CLVS1: variants seen among roughly 807,000 people sequenced by gnomAD.
CLVS1 encodes clavesin-1.
In CLVS1, 10 loss-of-function variants were observed where a neutral mutation model predicts 33.1. That is an observed-to-expected ratio of 0.30 (90% confidence interval 0.19 to 0.51). The LOEUF is 0.51. Among genes scored for constraint, CLVS1 ranks in the 20% least tolerant of loss-of-function variants. The pLI is 0.97. For missense variants in CLVS1, 343 were observed against 433.4 expected (o/e 0.79, Z 1.85); for synonymous variants, 163 against 166.1 (o/e 0.98, Z 0.14).
At chr8:61,154,739 T>C (rs1244341006) in intron 2 of CLVS1, among the ~76,000 whole-genome samples, 1 of 152,246 alleles carries the variant, frequency 6.6e-6, no homozygotes, top group African/African-American at 2.4e-5. Context: ...ATGGCTGTGA[T>C]AATTTGAGGA....
chr8:61,158,963 A>T (rs1372356580), intron 2 of CLVS1, among the ~76,000 whole-genome samples: 2 of 152,194 alleles, frequency 1.3e-5, no homozygotes, highest in African/African-American at 4.8e-5. Flanking sequence ...AGTAGCTAGG[A>T]CTACAGGCAT....
chr8:61,334,336 C>T lies in CLVS1; in HGVS notation c.455+34054C>T, dbSNP rs146342125. Among the ~76,000 whole-genome samples the T allele has an allele frequency of 2.5e-3, 380 of 152,188 alleles. 1 individual carries two copies. Among genetic ancestry groups the T allele is most frequent in the Non-Finnish European group, 3.9e-3 (266 of 68,000 alleles). On this transcript the variant is annotated intron_variant, in intron 2 of 5. Coordinates refer to ENST00000325897, the MANE Select transcript of CLVS1 (RefSeq NM_173519.3). Reference sequence around the variant, plus strand: ...ATCAGTGGGTATTGATCAGTGGGGACGAGAAGTTTAGCTAACCATTTATAA... The same window carrying T: ...ATCAGTGGGTATTGATCAGTGGGGATGAGAAGTTTAGCTAACCATTTATAA...
At chr8:61,069,362 A>G (rs933295163) in intron 1 of CLVS1, among the ~76,000 whole-genome samples, 8 of 152,154 alleles carry the variant, frequency 5.3e-5, no homozygotes, top group Admixed American at 1.3e-4. Flanking sequence ...CATCAGTAAG[A>G]GCGACACTAA....
chr8:61,250,123 G>A (rs544731987), intron 2 of CLVS1, among the ~76,000 whole-genome samples: 12 of 152,162 alleles, frequency 7.9e-5, no homozygotes, highest in East Asian at 3.9e-4. Context: ...TCCAGTTTCC[G>A]TTTTCTGCAT....
the CLVS1 span, among the ~76,000 whole-genome samples, chr8:61,051,573 C>T: frequency 3.3e-5 from 5 of 152,324 alleles, no homozygotes; most frequent in Admixed American, 1.3e-4. Context: ...GCCTGCCAAA[C>T]GAAAGGCATG....
At chr8:61,479,592 C>A (rs1818104749) in intron 5 of CLVS1, among the ~76,000 whole-genome samples, 1 of 152,320 alleles carries the variant, frequency 6.6e-6, no homozygotes, top group East Asian at 1.9e-4. Flanking sequence ...TCGTCAAAGT[C>A]ATTCTCCATC....
the CLVS1 span, among the ~76,000 whole-genome samples, chr8:61,011,432 C>T: frequency 6.6e-6 from 1 of 151,946 alleles, no homozygotes; most frequent in Admixed American, 6.6e-5. Flanking sequence ...TAGCCTGATG[C>T]ATCATGTCTT....
At position 61,294,492 on chromosome 8, in the gene CLVS1, C is replaced by T. The variant is rs564584699; in HGVS notation, c.-151-5185C>T. Reference sequence around the variant, plus strand: ...CCTGGATACAGCATAATTATAATATCAACAAGAATTTACAGTTAAAGTAAA... The same window carrying T: ...CCTGGATACAGCATAATTATAATATTAACAAGAATTTACAGTTAAAGTAAA... On this transcript the variant is annotated intron_variant, in intron 1 of 5. Transcript: ENST00000325897. Among the ~76,000 whole-genome samples, 3 of 152,172 alleles carry T rather than the reference C, an allele frequency of 2.0e-5. No individual in the cohort carries two copies. The South Asian group carries it at 6.2e-4, about 32-fold the overall frequency.
rs752475470 is a variant in CLVS1 at position 61,500,155 on chromosome 8, G to C, written c.*613G>C. 6.6e-6 allele frequency: 1 copy of C among 152,588 alleles called. No homozygotes were observed. Among genetic ancestry groups the C allele is most frequent in the Admixed American group, 6.5e-5 (1 of 15,276 alleles). The allele number at this position is 152,588 out of a possible 1,614,324, so 9.5% of individuals were successfully genotyped here. On this transcript the variant is annotated 3_prime_UTR_variant, in exon 6 of 6. Coordinates refer to ENST00000325897, the MANE Select transcript of CLVS1 (RefSeq NM_173519.3). ...ATGATATCCTGCAAAAAATTATTTT[G>C]ATGTCACATCTCTTGTCAGGTCACT...
intron 2 of CLVS1, among the ~76,000 whole-genome samples, chr8:61,348,083 A>T (rs918461458): frequency 3.9e-5 from 6 of 151,942 alleles, no homozygotes; most frequent in Non-Finnish European, 1.5e-5. Context: ...GAAACTGAAA[A>T]TTTGAATCCT....
At chr8:61,096,960 T>C (rs1805362251) in intron 1 of CLVS1, among the ~76,000 whole-genome samples, 1 of 152,220 alleles carries the variant, frequency 6.6e-6, no homozygotes, top group South Asian at 2.1e-4. Context: ...GCATGGATCC[T>C]GCAGGATTCT....
chr8:61,427,136 A>G (rs1156979724), intron 3 of CLVS1, among the ~76,000 whole-genome samples: 1 of 152,192 alleles, frequency 6.6e-6, no homozygotes, highest in Non-Finnish European at 1.5e-5. Flanking sequence ...TTTTGTTTGC[A>G]TCTCTTAAAG....
intron 2 of CLVS1, among the ~76,000 whole-genome samples, chr8:61,373,991 G>A (rs972858929): frequency 9.9e-5 from 15 of 152,188 alleles, no homozygotes; most frequent in African/African-American, 3.6e-4. Context: ...AGCAACGGTA[G>A]AAGGGCAAGA....
At chr8:61,249,759 TG>T (rs1442193654) in intron 2 of CLVS1, among the ~76,000 whole-genome samples, 3 of 152,180 alleles carry the variant, frequency 2.0e-5, no homozygotes, top group Non-Finnish European at 1.5e-5. Flanking sequence ...CAGTTTTTGA[TG>T]GGGTTGTTTT....
the CLVS1 span, among the ~76,000 whole-genome samples, chr8:61,012,918 G>T: frequency 2.0e-5 from 3 of 152,164 alleles, no homozygotes; most frequent in Non-Finnish European, 4.4e-5. Flanking sequence ...TGTGCTCATC[G>T]TGGCTCAGGA....
the CLVS1 span, among the ~76,000 whole-genome samples, chr8:60,969,471 C>T: frequency 4.6e-5 from 7 of 152,110 alleles, no homozygotes; most frequent in East Asian, 1.9e-4. Flanking sequence ...GTCAGCCTTA[C>T]GATCTCTGTT....
At chr8:61,416,007 A>T (rs769365184) in intron 3 of CLVS1, among the ~76,000 whole-genome samples, 2 of 152,160 alleles carry the variant, frequency 1.3e-5, no homozygotes, top group Non-Finnish European at 1.5e-5. Context: ...ACGTGCATGG[A>T]TGCTTTCCTG....
intron 2 of CLVS1, among the ~76,000 whole-genome samples, chr8:61,343,000 G>A (rs1382221404): frequency 2.0e-5 from 3 of 152,156 alleles, no homozygotes; most frequent in African/African-American, 7.2e-5. Context: ...TTTTTTAAAT[G>A]CCACCTGTTT....
chr8:61,086,811 C>G (rs1263841547), intron 1 of CLVS1, among the ~76,000 whole-genome samples: 2 of 152,188 alleles, frequency 1.3e-5, no homozygotes, highest in Non-Finnish European at 2.9e-5. Context: ...CAAGGAGGAA[C>G]TATAATCCTA....
Sources: gnomAD v4.1 joint callset for allele counts (sites outside exome capture counted in the v4.1 genomes callset) on GRCh38, gnomAD v4.1.1 for gene constraint, MANE v1.5 for transcripts, NCBI Gene and HGNC (gene_info 2026-07-23, HGNC 2026-07-21) for gene names.